RASIP1: variants seen among roughly 807,000 people sequenced by gnomAD.
RASIP1 encodes the protein Ras interacting protein 1.
RASIP1 carries 20 observed loss-of-function variants against 85.3 expected under a neutral mutation model. The observed-to-expected ratio is 0.23, with a 90% CI of 0.17 to 0.34. The LOEUF (loss-of-function observed/expected upper bound fraction) is 0.34. Ranked by LOEUF, RASIP1 falls within the 10% of genes least tolerant of loss-of-function variation. RASIP1 has a pLI of 1.00. For missense variants in RASIP1, 1,170 were observed against 1,390.9 expected, an observed-to-expected ratio of 0.84 and a Z score of 2.53; for synonymous variants, 617 against 647.1, an observed-to-expected ratio of 0.95 and a Z score of 0.71.
At chr19:48,730,420 C>T (rs762173998) in intron 4 of RASIP1, among the ~76,000 whole-genome samples, 9 of 152,024 alleles carry the variant, frequency 5.9e-5, no homozygotes, top group Non-Finnish European at 1.3e-4. Flanking sequence ...CCTTGGCCTC[C>T]TAAAGTGCTG....
intron 10 of RASIP1, among the ~76,000 whole-genome samples, chr19:48,723,600 C>T (rs1030526899): frequency 1.3e-5 from 2 of 150,540 alleles, no homozygotes; most frequent in East Asian, 1.9e-4. Context: ...TGAAATCAAG[C>T]GACCTGTCCT....
chr19:48,730,673 T>C (rs982312380), intron 4 of RASIP1, among the ~76,000 whole-genome samples: 2 of 152,004 alleles, frequency 1.3e-5, no homozygotes, highest in African/African-American at 4.8e-5. Flanking sequence ...CAGATATATT[T>C]CCCCTTCCAA....
chr19:48,729,375 C>T lies in RASIP1; in HGVS notation c.1395G>A (p.Leu465=), dbSNP rs1313516414. The part of the protein sequence containing the change: ...GAPVTHNGCL[L]LREAELHPGD... Reference sequence around the variant, plus strand: ...CCGGGTGCAGCTCAGCCTCCCGCAGCAGGAGGCACCCGTTGTGCGTGACTG... The same window carrying T: ...CCGGGTGCAGCTCAGCCTCCCGCAGTAGGAGGCACCCGTTGTGCGTGACTG... Residue 465 remains leucine, a synonymous_variant, in exon 5 of 12, where the codon CTG becomes CTA. Coordinates refer to ENST00000222145, the MANE Select transcript of RASIP1 (RefSeq NM_017805.3). 2.6e-6 allele frequency: 4 copies of T among 1,557,150 alleles called. No individual in the cohort carries two copies. The highest frequency in any genetic ancestry group is 1.2e-5 in the South Asian group (1 of 84,554).
chr19:48,721,061 G>A (rs1041188186), intron 11 of RASIP1, 64 bp from the exon 12 acceptor site: 244 of 1,370,778 alleles, frequency 1.8e-4, no homozygotes, highest in Non-Finnish European at 2.2e-4. Context: ...GCATCGGGAA[G>A]AGCCGAGGCT....
chr19:48,731,025 G>A (rs1298212672), intron 4 of RASIP1, among the ~76,000 whole-genome samples: 2 of 152,010 alleles, frequency 1.3e-5, no homozygotes, highest in Non-Finnish European at 2.9e-5. Flanking sequence ...AAAAGAGGCC[G>A]GGCGCAGTGG....
chr19:48,721,193 C>A (rs1031077915), intron 11 of RASIP1, among the ~76,000 whole-genome samples, 196 bp from the exon 12 acceptor site: 40 of 152,208 alleles, frequency 2.6e-4, no homozygotes, highest in African/African-American at 9.4e-4. Context: ...CGATGGAAGG[C>A]CACCGTTGCC....
At chr19:48,731,845 C>A (rs1382805049) in intron 4 of RASIP1, among the ~76,000 whole-genome samples, 1 of 152,190 alleles carries the variant, frequency 6.6e-6, no homozygotes, top group Non-Finnish European at 1.5e-5. Flanking sequence ...TCATTCCTGT[C>A]TGAAGGAATG....
At position 48,739,179 on chromosome 19, in the gene RASIP1, A is replaced by G; in HGVS notation, c.604T>C (p.Phe202Leu). 1 of 1,467,974 alleles carries G rather than the reference A, an allele frequency of 6.8e-7. No individual in the cohort carries two copies. The highest frequency in any genetic ancestry group is 2.4e-5 in the Admixed American group (1 of 41,120). The allele number at this position is 1,467,974 out of a possible 1,614,324, so 90.9% of individuals were successfully genotyped here. The change falls in exon 3 of 12, where the codon TTC becomes CTC. Residue 202 changes from phenylalanine to leucine, a missense_variant. Physicochemically the swap from Phe to Leu is conservative, Grantham distance 22 (BLOSUM62 0). This residue lies in a region of RASIP1 where 299 missense variants were observed against 394.4 expected (regional missense o/e 0.76). Transcript: ENST00000222145. The surrounding 1 kb of genome is among the most constrained non-coding windows in gnomAD (Gnocchi z 9.2). ...GPGESSCVDA[F>L]ALCDALGRPA... ...CGGCCCAGAGCGTCGCACAAAGCGA[A>G]GGCGTCCACGCAGCTGCTCTCGCCG...
intron 8 of RASIP1, 37 bp downstream of exon 8, chr19:48,726,748 T>A: frequency 6.8e-7 from 1 of 1,464,928 alleles, no homozygotes; most frequent in African/African-American, 1.4e-5. Context: ...CAGGAAGTGA[T>A]GCTATGTCAA....
chr19:48,728,778 A>AAACC (rs1328436311), intron 5 of RASIP1, among the ~76,000 whole-genome samples, 159 bp downstream of exon 5: 1 of 151,910 alleles, frequency 6.6e-6, no homozygotes, highest in Non-Finnish European at 1.5e-5. Context: ...AAAAGCAAAC[A>AAACC]AACAAACAAA....
Position 48,721,894 on chromosome 19 carries a change from C to T in RASIP1, c.2652G>A (p.Ala884=), listed in dbSNP as rs1181811722. 1.9e-6 allele frequency: 3 copies of T among 1,606,662 alleles called. No individual in the cohort carries two copies. The highest frequency in any genetic ancestry group is 2.3e-5 in the East Asian group (1 of 44,016). Reference sequence around the variant, plus strand: ...CCCGCTCTGCAGGGGGAGGGTCCCACGCGGCTGGCGGCCCGCGGCCAGGGC... The same window carrying T: ...CCCGCTCTGCAGGGGGAGGGTCCCATGCGGCTGGCGGCCCGCGGCCAGGGC... The part of the protein sequence containing the change: ...QLGPGRGPPA[A]WDPPPAEREA... Residue 884 remains alanine (A), a synonymous_variant, in exon 11 of 12, where the codon GCG becomes GCA. Coordinates refer to ENST00000222145, the MANE Select transcript of RASIP1 (RefSeq NM_017805.3).
chr19:48,729,348 G>T lies in RASIP1; in HGVS notation c.1422C>A (p.Gly474=). 6.4e-7 allele frequency: 1 copy of T among 1,559,842 alleles called. No individual in the cohort carries two copies. Among genetic ancestry groups the T allele is most frequent in the East Asian group, 2.4e-5 (1 of 42,010 alleles). ...LLLREAELHP[G]DLLGLGEHFL... ...AGTGCTCGCCCAGCCCCAGGAGGTCGCCCGGGTGCAGCTCAGCCTCCCGCA... is the reference window on the plus strand; with the variant it reads ...AGTGCTCGCCCAGCCCCAGGAGGTCTCCCGGGTGCAGCTCAGCCTCCCGCA... Residue 474 remains glycine (G), a synonymous_variant, in exon 5 of 12, where the codon GGC becomes GGA. Transcript: ENST00000222145.
rs1355377953 is a variant in RASIP1, at chr19:48,740,285, C to A, written c.-3G>T. 6.3e-7 allele frequency: 1 copy of A among 1,575,630 alleles called. No individual in the cohort carries two copies. The highest frequency in any genetic ancestry group is 8.6e-7 in the Non-Finnish European group (1 of 1,164,874). On this transcript the variant is annotated splice_region_variant and 5_prime_UTR_variant, in exon 2 of 12. Coordinates refer to ENST00000222145, the MANE Select transcript of RASIP1 (RefSeq NM_017805.3). The surrounding 1 kb of genome is among the most constrained non-coding windows in gnomAD (Gnocchi z 5.5). ...TCCTTCCGTTCACCAGACAGCATGG[C>A]CCTAAGGGAAGGCGGGTAAGGCCCC...
chr19:48,740,255 C>G lies in RASIP1; in HGVS notation c.28G>C (p.Gly10Arg). The G allele has an allele frequency of 6.3e-7, 1 of 1,587,670 alleles. No homozygotes were observed. The highest frequency in any genetic ancestry group is 8.5e-7 in the Non-Finnish European group (1 of 1,169,890). MLSGERKEG[G>R]SPRFGKLHLP... Reference sequence around the variant, plus strand: ...TGAAGCTTCCCGAAGCGGGGGCTTCCGCCCTCCTTCCGTTCACCAGACAGC... The same window carrying G: ...TGAAGCTTCCCGAAGCGGGGGCTTCGGCCCTCCTTCCGTTCACCAGACAGC... The change falls in exon 2 of 12, where the codon GGA becomes CGA. Residue 10 changes from glycine to arginine, a missense_variant. Physicochemically the swap from Gly to Arg is moderately radical, Grantham distance 125. Around this residue, in one of 4 missense-constraint regions of RASIP1, gnomAD observed 299 missense variants for 394.4 expected, o/e 0.76. Coordinates refer to ENST00000222145, the MANE Select transcript of RASIP1 (RefSeq NM_017805.3). This position sits in a 1 kb window ranked among gnomAD's most constrained non-coding sequence, Gnocchi z 5.5.
intron 11 of RASIP1, among the ~76,000 whole-genome samples, chr19:48,721,621 T>C (rs1378188054): frequency 6.6e-6 from 1 of 152,064 alleles, no homozygotes; most frequent in South Asian, 2.1e-4. Context: ...GCCAACACGG[T>C]GAAACCCCCG....
At chr19:48,731,617 C>G (rs567930060) in intron 4 of RASIP1, among the ~76,000 whole-genome samples, 16 of 152,274 alleles carry the variant, frequency 1.1e-4, no homozygotes, top group African/African-American at 3.6e-4. Flanking sequence ...TGTAGAACCA[C>G]TCAATCTGAC....
Position 48,740,496 on chromosome 19 carries a change from G to C in RASIP1, c.-5+25C>G. ...CTTGGGGCCCAGGGAGGAGGGGTTT[G>C]GGCTGCTGGGTCCCTGGCTCTTACC... On this transcript the variant is annotated intron_variant, in intron 1 of 11. Coordinates refer to ENST00000222145, the MANE Select transcript of RASIP1 (RefSeq NM_017805.3). The surrounding 1 kb of genome is among the most constrained non-coding windows in gnomAD (Gnocchi z 5.5). 7.1e-7 allele frequency: 1 copy of C among 1,402,272 alleles called. No homozygotes were observed. Among genetic ancestry groups the C allele is most frequent in the East Asian group, 2.8e-5 (1 of 36,132 alleles). 86.9% of individuals were successfully genotyped at this position (1,402,272 alleles called of 1,614,324 possible).
chr19:48,738,971 G>T lies in RASIP1; in HGVS notation c.812C>A (p.Ala271Glu). The change falls in exon 3 of 12, where the codon GCG becomes GAG. Residue 271 changes from alanine (A) to glutamate (E), a missense_variant. Physicochemically the swap from Ala to Glu is moderately radical, Grantham distance 107 (BLOSUM62 -1). This residue lies in a region of RASIP1 where 301 missense variants were observed against 294.8 expected (regional missense o/e 1.02). Coordinates refer to ENST00000222145, the MANE Select transcript of RASIP1 (RefSeq NM_017805.3). This position sits in a 1 kb window ranked among gnomAD's most constrained non-coding sequence, Gnocchi z 4.0. Reference sequence around the variant, plus strand: ...CGCCCGCCGCTCACCTTCGCTGTCCGCGGCCCCGAAGGCCTCCTGCTCCAG... The same window carrying T: ...CGCCCGCCGCTCACCTTCGCTGTCCTCGGCCCCGAAGGCCTCCTGCTCCAG... ...RRLEQEAFGA[A>E]DSEGTGAPSW... The T allele has an allele frequency of 8.5e-7, 1 of 1,177,770 alleles. No homozygotes were observed. The highest frequency in any genetic ancestry group is 1.0e-6 in the Non-Finnish European group (1 of 956,438). 73.0% of individuals were successfully genotyped at this position (1,177,770 alleles called of 1,614,324 possible).
rs2033620638 is a variant in RASIP1, at chr19:48,738,919, T to C, written c.823+41A>G. On this transcript the variant is annotated intron_variant, in intron 3 of 11. Coordinates refer to ENST00000222145, the MANE Select transcript of RASIP1 (RefSeq NM_017805.3). The surrounding 1 kb of genome is among the most constrained non-coding windows in gnomAD (Gnocchi z 4.0). ...CCCCGCCCCACGGACCCCGCCTCTC[T>C]GGCACCGAGTCCCCGCCCCAGAGCC... 1.1e-6 allele frequency: 1 copy of C among 904,046 alleles called. No individual in the cohort carries two copies. The highest frequency in any genetic ancestry group is 7.5e-5 in the Admixed American group (1 of 13,246). 56.0% of individuals were successfully genotyped at this position (904,046 alleles called of 1,614,324 possible).
Sources: gnomAD v4.1 joint callset for allele counts (sites outside exome capture counted in the v4.1 genomes callset) on GRCh38, gnomAD v4.1.1 for gene constraint, gnomAD v4.1.1 regional missense constraint, Gnocchi (gnomAD v3.1) non-coding constraint, MANE v1.5 for transcripts, NCBI Gene and HGNC (gene_info 2026-07-23, HGNC 2026-07-21) for gene names.